NTM: variants seen among roughly 807,000 people sequenced by gnomAD.
NTM encodes IgLON family member 2.
In NTM, 13 loss-of-function variants were observed where a neutral mutation model predicts 42.1. That is an observed-to-expected ratio of 0.31 (90% CI 0.20 to 0.49). The LOEUF is 0.49. Ranked by LOEUF, NTM falls within the 20% of genes least tolerant of loss-of-function variation. The pLI, the probability that NTM is intolerant of heterozygous loss-of-function variation, is 0.99. For missense variants in NTM, 373 were observed against 452.8 expected, an observed-to-expected ratio of 0.82 and a Z score of 1.60; for synonymous variants, 187 against 179.2, an observed-to-expected ratio of 1.04 and a Z score of -0.35.
At chr11:131,950,478 C>G (rs988511175) in intron 2 of NTM, among the ~76,000 whole-genome samples, 1 of 152,192 alleles carries the variant, frequency 6.6e-6, no homozygotes, top group Non-Finnish European at 1.5e-5. Context: ...ACTTTGTTCA[C>G]TCAGTACTCT....
intron 1 of NTM, among the ~76,000 whole-genome samples, chr11:131,563,437 C>T (rs1167784771): frequency 6.6e-6 from 1 of 152,176 alleles, no homozygotes; most frequent in African/African-American, 2.4e-5. Context: ...TACCATCATC[C>T]CTGGGCATCT....
chr11:132,188,217 C>T (rs1337840549), intron 3 of NTM, among the ~76,000 whole-genome samples: 2 of 152,164 alleles, frequency 1.3e-5, no homozygotes, highest in Non-Finnish European at 2.9e-5. Context: ...GACAGCCCCA[C>T]ACAACAAAGA....
intron 2 of NTM, among the ~76,000 whole-genome samples, chr11:131,914,318 G>GT (rs1296925639): frequency 6.6e-6 from 1 of 151,948 alleles, no homozygotes; most frequent in Non-Finnish European, 1.5e-5. Flanking sequence ...TCTTCCGTTT[G>GT]TTTTTTTCTG....
At chr11:131,465,847 C>A (rs1951830700) in intron 1 of NTM, among the ~76,000 whole-genome samples, 1 of 152,196 alleles carries the variant, frequency 6.6e-6, no homozygotes, top group African/African-American at 2.4e-5. Flanking sequence ...TGTGGTTGTC[C>A]CTTGGCTGTG....
intron 1 of NTM, among the ~76,000 whole-genome samples, chr11:131,646,971 G>A (rs972040817): frequency 1.3e-5 from 2 of 152,198 alleles, no homozygotes; most frequent in African/African-American, 4.8e-5. Flanking sequence ...ATTAAATGTG[G>A]ACAGAACACG....
chr11:131,393,841 A>G (rs567721703), intron 1 of NTM, among the ~76,000 whole-genome samples: 49 of 152,324 alleles, frequency 3.2e-4, no homozygotes, highest in Middle Eastern at 3.4e-3. Flanking sequence ...TGATACGTGC[A>G]ATTGGGAGAG....
intron 7 of NTM, among the ~76,000 whole-genome samples, chr11:132,329,868 C>CTTGG (rs2095763642): frequency 6.6e-6 from 1 of 152,242 alleles, no homozygotes; most frequent in Admixed American, 6.5e-5. Flanking sequence ...AGGCGGACAT[C>CTTGG]TTGGCTCTGC....
chr11:131,846,914 A>G (rs545247018), intron 1 of NTM, among the ~76,000 whole-genome samples: 1 of 152,270 alleles, frequency 6.6e-6, no homozygotes, highest in East Asian at 1.9e-4. Context: ...GGGGCAAGGC[A>G]TGGGAATAGA....
chr11:131,501,119 G>A (rs866408313), intron 1 of NTM, among the ~76,000 whole-genome samples: 6 of 152,026 alleles, frequency 3.9e-5, no homozygotes, highest in South Asian at 2.1e-4. Context: ...GCCTAGATAC[G>A]TAACCACAAT....
At chr11:131,889,425 G>A (rs914434260) in intron 1 of NTM, among the ~76,000 whole-genome samples, 7 of 152,154 alleles carry the variant, frequency 4.6e-5, no homozygotes, top group Admixed American at 1.3e-4. Flanking sequence ...TGAGTGCACA[G>A]CACACACCAC....
chr11:132,219,581 C>T (rs577960582), intron 4 of NTM, among the ~76,000 whole-genome samples: 8 of 152,084 alleles, frequency 5.3e-5, no homozygotes, highest in African/African-American at 1.7e-4. Context: ...GACTGTGGAT[C>T]ATCTCATATT....
intron 1 of NTM, among the ~76,000 whole-genome samples, chr11:131,733,487 C>CTTCT (rs1565480713): frequency 6.8e-6 from 1 of 146,476 alleles, no homozygotes; most frequent in African/African-American, 2.5e-5. Context: ...TCCTTCCTTC[C>CTTCT]TTCCTTCCTT....
At chr11:131,921,904 C>A (rs1019926482) in intron 2 of NTM, among the ~76,000 whole-genome samples, 3 of 151,998 alleles carry the variant, frequency 2.0e-5, no homozygotes, top group African/African-American at 7.2e-5. Flanking sequence ...GGCCATGCAT[C>A]GTTTTCTAGA....
intron 1 of NTM, among the ~76,000 whole-genome samples, chr11:131,653,118 C>T (rs1254863891): frequency 6.6e-6 from 1 of 152,200 alleles, no homozygotes; most frequent in African/African-American, 2.4e-5. Context: ...ATGGGTGTGC[C>T]CTGTGTGGAC....
intron 1 of NTM, among the ~76,000 whole-genome samples, chr11:131,637,919 G>A (rs2064617342): frequency 6.6e-6 from 1 of 152,072 alleles, no homozygotes; most frequent in African/African-American, 2.4e-5. Flanking sequence ...TCTGATTCTA[G>A]TCTCTTCCTA....
intron 2 of NTM, among the ~76,000 whole-genome samples, chr11:132,132,889 T>C (rs2067085954): frequency 6.6e-6 from 1 of 152,206 alleles, no homozygotes; most frequent in Non-Finnish European, 1.5e-5. Context: ...TATGAATGCA[T>C]GGCGGCTTCC....
chr11:132,270,992 TG>T (rs1225673132), intron 4 of NTM, among the ~76,000 whole-genome samples: 1 of 152,246 alleles, frequency 6.6e-6, no homozygotes, highest in Non-Finnish European at 1.5e-5. Context: ...ACCCGTTTAT[TG>T]TTGTGCAATA....
At chr11:132,319,866 C>T (rs538558329) in intron 7 of NTM, among the ~76,000 whole-genome samples, 1 of 152,312 alleles carries the variant, frequency 6.6e-6, no homozygotes, top group Admixed American at 6.5e-5. Flanking sequence ...GAGGCACCCC[C>T]CAGTAGGGGC....
intron 4 of NTM, among the ~76,000 whole-genome samples, chr11:132,252,504 C>A (rs2092054648): frequency 6.6e-6 from 1 of 152,110 alleles, no homozygotes; most frequent in South Asian, 2.1e-4. Flanking sequence ...GAAAAGAAAG[C>A]CTGGAACAAC....
Sources: allele counts gnomAD v4.1 joint callset (sites outside exome capture counted in the v4.1 genomes callset), GRCh38; gene constraint gnomAD v4.1.1; transcripts MANE v1.5; gene names NCBI Gene and HGNC (gene_info 2026-07-23, HGNC 2026-07-21).